ADAMTS2: variants seen among roughly 807,000 people sequenced by gnomAD.
ADAMTS2 encodes ADAM metallopeptidase with thrombospondin type 1 motif 2, also known as A disintegrin and metalloproteinase with thrombospondin motifs 2.
ADAMTS2 carries 50 observed loss-of-function variants against 123.0 expected under a neutral mutation model. The observed-to-expected ratio is 0.41, with a 90% confidence interval of 0.32 to 0.51. The LOEUF is 0.51. Ranked by LOEUF, ADAMTS2 falls within the 20% of genes least tolerant of loss-of-function variation. The pLI is 0.35. For synonymous variants in ADAMTS2, 678 were observed against 695.4 expected, an observed-to-expected ratio of 0.98 and a Z score of 0.39; for missense variants, 1,494 against 1,705.2, an observed-to-expected ratio of 0.88 and a Z score of 2.18.
At chr5:179,322,302 A>G (rs457432) in intron 2 of ADAMTS2, among the ~76,000 whole-genome samples, 137,338 of 152,260 alleles carry the variant, frequency 0.9, 61,978 homozygotes, top group Admixed American at 0.93. Flanking sequence ...CAGAGGATGC[A>G]CCCACGGCCC....
At chr5:179,140,468 A>C (rs1763145232) in intron 10 of ADAMTS2, among the ~76,000 whole-genome samples, 1 of 152,224 alleles carries the variant, frequency 6.6e-6, no homozygotes, top group South Asian at 2.1e-4. Flanking sequence ...TATGGAAAAA[A>C]GGGACAAGTA....
At position 179,283,088 on chromosome 5, in the gene ADAMTS2, G is replaced by A. The variant is rs112512876; in HGVS notation, c.535-10024C>T. Among the ~76,000 whole-genome samples, 538 of 152,114 alleles carry A rather than the reference G, an allele frequency of 3.5e-3. 2 individuals are homozygous for A. The highest frequency in any genetic ancestry group is 0.012 in the African/African-American group (503 of 41,476). Reference sequence around the variant, plus strand: ...CAGCACCCCCCACCTGCCACTTTACGCAGCCTGGACTTGACTTTAAAACTG... The same window carrying A: ...CAGCACCCCCCACCTGCCACTTTACACAGCCTGGACTTGACTTTAAAACTG... On this transcript the variant is annotated intron_variant, in intron 2 of 21. Transcript: ENST00000251582.
intron 21 of ADAMTS2, among the ~76,000 whole-genome samples, 170 bp from the exon 22 acceptor site, chr5:179,114,494 T>C (rs1762626629): frequency 6.6e-6 from 1 of 152,148 alleles, no homozygotes; most frequent in Non-Finnish European, 1.5e-5. Context: ...GCATCCCCAG[T>C]GCAGGCAGTG....
chr5:179,232,468 C>A (rs947547071), intron 3 of ADAMTS2, among the ~76,000 whole-genome samples: 5 of 152,194 alleles, frequency 3.3e-5, no homozygotes, highest in African/African-American at 1.2e-4. Flanking sequence ...TCACACTGCT[C>A]GGAAGTGTCA....
chr5:179,217,773 ACACT>A (rs1382932031), intron 3 of ADAMTS2, among the ~76,000 whole-genome samples: 12 of 119,994 alleles, frequency 1.0e-4, no homozygotes, highest in African/African-American at 3.0e-4. Context: ...GGGGATGGGC[ACACT>A]CACTAGGGGA....
In ADAMTS2 at chr5:179,260,556, G is replaced by A. The variant is rs180717718; in HGVS notation, c.688+12355C>T. Among the ~76,000 whole-genome samples the A allele has an allele frequency of 8.5e-5, 13 of 152,258 alleles. No homozygotes were observed. Among genetic ancestry groups the A allele is most frequent in the Non-Finnish European group, 1.0e-4 (7 of 68,012 alleles). On this transcript the variant is annotated intron_variant, in intron 3 of 21. Transcript: ENST00000251582. This position sits in a 1 kb window ranked among gnomAD's most constrained non-coding sequence, Gnocchi z 4.2. The stretch of plus-strand genomic sequence containing the variant: ...GGTTTTGCCAGCCCAGGCTCTGAGC[G>A]GGGACAGGAGGGCACTGCACTGGGT...
rs561708640 is a variant in ADAMTS2 at position 179,146,752 on chromosome 5, T to A, written c.1629+5390A>T. Reference sequence around the variant, plus strand: ...GCTTTTTGAAGTCAGAGTTATTATTTTTTTTATTTCCTTGCTCATTTTCTA... The same window carrying A: ...GCTTTTTGAAGTCAGAGTTATTATTATTTTTATTTCCTTGCTCATTTTCTA... On this transcript the variant is annotated intron_variant, in intron 10 of 21. Transcript: ENST00000251582. 4.3e-3 allele frequency among the ~76,000 whole-genome samples: 659 copies of A among 152,344 alleles called. 5 individuals carry two copies. Among genetic ancestry groups the A allele is most frequent in the African/African-American group, 0.015 (627 of 41,580 alleles).
At chr5:179,215,355 G>A (rs1235434423) in intron 3 of ADAMTS2, among the ~76,000 whole-genome samples, 3 of 152,200 alleles carry the variant, frequency 2.0e-5, no homozygotes, top group Non-Finnish European at 4.4e-5. Context: ...GGCTGAGGCA[G>A]GAGAATCGCT....
At chr5:179,288,128 G>C (rs1451308169) in intron 2 of ADAMTS2, among the ~76,000 whole-genome samples, 2 of 152,212 alleles carry the variant, frequency 1.3e-5, no homozygotes, top group Non-Finnish European at 2.9e-5. Flanking sequence ...ATCTCCCCGG[G>C]TCCCTGGGCC....
intron 3 of ADAMTS2, among the ~76,000 whole-genome samples, chr5:179,214,730 A>G (rs1764935532): frequency 6.6e-6 from 1 of 152,140 alleles, no homozygotes; most frequent in African/African-American, 2.4e-5. Context: ...AGACCTCAGT[A>G]AATGAAGCTA....
intron 10 of ADAMTS2, among the ~76,000 whole-genome samples, chr5:179,142,640 A>G (rs779082936): frequency 1.3e-5 from 2 of 152,218 alleles, no homozygotes; most frequent in Non-Finnish European, 2.9e-5. Flanking sequence ...AAGATCTGGG[A>G]AAGAGATAGT....
chr5:179,209,510 G>GCACACA (rs1204702238), intron 3 of ADAMTS2, among the ~76,000 whole-genome samples: 1 of 137,988 alleles, frequency 7.2e-6, no homozygotes, highest in Non-Finnish European at 1.6e-5. Flanking sequence ...TCCCCTCGGC[G>GCACACA]CACACACACA....
At chr5:179,153,914 C>T in intron 8 of ADAMTS2, 135 bp downstream of exon 8, 1 of 1,284,880 alleles carries the variant, frequency 7.8e-7, no homozygotes, top group Non-Finnish European at 1.1e-6. Flanking sequence ...GGTGTGCCCT[C>T]TCTCCTCCCC....
rs201241062 is a variant in ADAMTS2 at position 179,132,290 on chromosome 5, T to C, written c.2230A>G (p.Ile744Val). Residue 744 changes from isoleucine (I) to valine (V), a missense_variant, in exon 15 of 22, where the codon ATC becomes GTC. This residue lies in a region of ADAMTS2 where 953 missense variants were observed against 1,124.7 expected (regional missense o/e 0.85). Transcript: ENST00000251582. The surrounding 1 kb of genome is among the most constrained non-coding windows in gnomAD (Gnocchi z 6.1). Reference sequence around the variant, plus strand: ...AGCAGGTGTCTGGCTCCTGCAGGGATCTCAAACATCTTGATGTAACCTTTT... The same window carrying C: ...AGCAGGTGTCTGGCTCCTGCAGGGACCTCAAACATCTTGATGTAACCTTTT... The part of the protein sequence containing the change: ...KKHGYIKMFE[I>V]PAGARHLLIQ... The C allele has an allele frequency of 1.2e-4, 189 of 1,614,056 alleles. 1 individual carries two copies. Among genetic ancestry groups the C allele is most frequent in the Middle Eastern group, 1.2e-3 (7 of 6,084 alleles).
chr5:179,166,337 C>G (rs1242506420), intron 5 of ADAMTS2, among the ~76,000 whole-genome samples: 1 of 152,180 alleles, frequency 6.6e-6, no homozygotes, highest in East Asian at 1.9e-4. Flanking sequence ...TGAGGACATG[C>G]CTGAAAGACC....
At chr5:179,179,390 A>G (rs193006763) in intron 5 of ADAMTS2, among the ~76,000 whole-genome samples, 1 of 151,918 alleles carries the variant, frequency 6.6e-6, no homozygotes, top group East Asian at 1.9e-4. Flanking sequence ...AATTCACAAT[A>G]TTTTCTTTAT....
intron 2 of ADAMTS2, among the ~76,000 whole-genome samples, chr5:179,296,708 G>A (rs1310695386): frequency 4.6e-5 from 7 of 152,224 alleles, no homozygotes; most frequent in East Asian, 1.9e-4. Flanking sequence ...AGGCTGCTGC[G>A]TGCTGTGGGT....
At chr5:179,257,376 G>T (rs1250118301) in intron 3 of ADAMTS2, among the ~76,000 whole-genome samples, 2 of 152,236 alleles carry the variant, frequency 1.3e-5, no homozygotes, top group East Asian at 1.9e-4. Context: ...CCAGGCACGG[G>T]TATAGGTGCC....
intron 2 of ADAMTS2, among the ~76,000 whole-genome samples, chr5:179,306,365 A>G (rs1756673679): frequency 6.6e-6 from 1 of 152,226 alleles, no homozygotes; most frequent in Admixed American, 6.5e-5. Flanking sequence ...AGGAAAAAAA[A>G]TATGCTTATA....
Sources: gnomAD v4.1 joint callset for allele counts (sites outside exome capture counted in the v4.1 genomes callset) on GRCh38, gnomAD v4.1.1 for gene constraint, gnomAD v4.1.1 regional missense constraint, Gnocchi (gnomAD v3.1) non-coding constraint, MANE v1.5 for transcripts, NCBI Gene and HGNC (gene_info 2026-07-23, HGNC 2026-07-21) for gene names.